The following VSTM2B variants were observed in gnomAD, a reference collection of about 807,000 sequenced individuals.
The protein encoded by VSTM2B is V-set and transmembrane domain-containing protein 2B.
VSTM2B carries 24 observed loss-of-function variants against 24.0 expected under a neutral mutation model. The observed-to-expected ratio is 1.00, with a 90% CI of 0.72 to 1.40. VSTM2B has a LOEUF of 1.40. Ranked by LOEUF, VSTM2B falls within the 40% of genes most tolerant of loss-of-function variation. The probability of loss-of-function intolerance (pLI) is 0.00; values close to 1 mark genes in which losing one functional copy is unlikely to be tolerated. For missense variants in VSTM2B, 399 were observed against 416.4 expected (o/e 0.96, Z 0.36); for synonymous variants, 226 against 194.4 (o/e 1.16, Z -1.35).
At chr19:29,533,905 A>T (rs1323836068) in intron 4 of VSTM2B, among the ~76,000 whole-genome samples, 1 of 152,210 alleles carries the variant, frequency 6.6e-6, no homozygotes, top group Non-Finnish European at 1.5e-5. Context: ...AGCTCGGGGC[A>T]GACGACCTTG....
At chr19:29,552,287 G>T (rs1047305374) in intron 4 of VSTM2B, among the ~76,000 whole-genome samples, 4 of 152,198 alleles carry the variant, frequency 2.6e-5, no homozygotes, top group South Asian at 2.1e-4. Context: ...GTAGTAAAAG[G>T]TTGCAAATCC....
Position 29,526,541 on chromosome 19 carries a change from C to T in VSTM2B, c.-43C>T. ...ATCCGAGCCCACGCGGCCGCCGCCTCTCCGCTCCCGGGCCCCCGCCGCCAC... is the reference window on the plus strand; with the variant it reads ...ATCCGAGCCCACGCGGCCGCCGCCTTTCCGCTCCCGGGCCCCCGCCGCCAC... On this transcript the variant is annotated 5_prime_UTR_variant, in exon 1 of 5. Transcript: ENST00000335523. The surrounding 1 kb of genome is among the most constrained non-coding windows in gnomAD (Gnocchi z 4.1). 2 of 1,473,118 alleles carry T rather than the reference C, an allele frequency of 1.4e-6. No homozygotes were observed. Among genetic ancestry groups the T allele is most frequent in the Non-Finnish European group, 9.0e-7 (1 of 1,110,046 alleles). The allele number at this position is 1,473,118 out of a possible 1,614,324, so 91.3% of individuals were successfully genotyped here. A position where few individuals can be genotyped will look rare whatever the true frequency, so the allele number is the denominator to read the frequency against.
intron 4 of VSTM2B, among the ~76,000 whole-genome samples, chr19:29,538,614 G>A (rs1013374800): frequency 1.3e-5 from 2 of 152,146 alleles, no homozygotes; most frequent in African/African-American, 4.8e-5. Flanking sequence ...GGTTTATTTG[G>A]CTCACAGTTC....
intron 4 of VSTM2B, among the ~76,000 whole-genome samples, chr19:29,558,187 G>A (rs1970454071): frequency 6.6e-6 from 1 of 152,048 alleles, no homozygotes. Context: ...TCAGAATGGT[G>A]ATTATTAAAA....
intron 4 of VSTM2B, 64 bp from the exon 5 acceptor site, chr19:29,563,782 G>A: frequency 7.0e-7 from 1 of 1,438,740 alleles, no homozygotes. Flanking sequence ...TTCCTGGTCT[G>A]CTGTGAGCTC....
chr19:29,546,167 A>G (rs1388548589), intron 4 of VSTM2B, among the ~76,000 whole-genome samples: 1 of 152,162 alleles, frequency 6.6e-6, no homozygotes, highest in Non-Finnish European at 1.5e-5. Context: ...CCAGAGAGGA[A>G]CAGGAAAGGA....
At chr19:29,529,216 T>C (rs1218696233) in intron 3 of VSTM2B, 8 of 869,054 alleles carry the variant, frequency 9.2e-6, no homozygotes, top group Non-Finnish European at 1.1e-5. Context: ...GAAAGGCGGG[T>C]TGGTAGCAGG....
chr19:29,549,328 TG>T (rs1568444729), intron 4 of VSTM2B, among the ~76,000 whole-genome samples: 1 of 152,128 alleles, frequency 6.6e-6, no homozygotes, highest in Non-Finnish European at 1.5e-5. Flanking sequence ...GGCCAGGCTC[TG>T]GGGGAGTCCC....
At chr19:29,559,086 A>G (rs1260541698) in intron 4 of VSTM2B, among the ~76,000 whole-genome samples, 3 of 152,194 alleles carry the variant, frequency 2.0e-5, no homozygotes, top group Non-Finnish European at 4.4e-5. Flanking sequence ...CAGAAATACC[A>G]TTTGACCCAA....
At chr19:29,525,933 A>C (rs1430439362), upstream of VSTM2B, among the ~76,000 whole-genome samples, 1 of 150,196 alleles carries the variant, frequency 6.7e-6, no homozygotes, top group Non-Finnish European at 1.5e-5. Context: ...GCAGCGGTGG[A>C]GGCGGCTTGG....
At chr19:29,540,931 C>A (rs1970005643) in intron 4 of VSTM2B, among the ~76,000 whole-genome samples, 1 of 152,062 alleles carries the variant, frequency 6.6e-6, no homozygotes, top group Non-Finnish European at 1.5e-5. Context: ...GAGCCATAAT[C>A]AGGAAGACAG....
intron 3 of VSTM2B, 106 bp from the exon 4 acceptor site, chr19:29,529,713 C>T (rs1350842944): frequency 1.8e-6 from 2 of 1,134,968 alleles, no homozygotes; most frequent in Non-Finnish European, 1.3e-6. Context: ...AAACCAGGAT[C>T]CGGGAAGTGT....
chr19:29,537,239 G>T (rs1969910944), intron 4 of VSTM2B, among the ~76,000 whole-genome samples: 1 of 152,160 alleles, frequency 6.6e-6, no homozygotes, highest in South Asian at 2.1e-4. Context: ...AGGGAAATTA[G>T]CCTGCTTGTC....
At chr19:29,559,526 G>A (rs1448796041) in intron 4 of VSTM2B, among the ~76,000 whole-genome samples, 2 of 152,174 alleles carry the variant, frequency 1.3e-5, no homozygotes, top group African/African-American at 4.8e-5. Flanking sequence ...TGGTTGATGG[G>A]TGTAGCAAAC....
At chr19:29,531,643 G>A (rs73029461) in intron 4 of VSTM2B, among the ~76,000 whole-genome samples, 6,641 of 152,256 alleles carry the variant, frequency 0.044, 196 homozygotes, top group Middle Eastern at 0.075. Flanking sequence ...GGCCTCATCC[G>A]TCTTGGATGC....
chr19:29,542,400 T>C (rs1599888601), intron 4 of VSTM2B, among the ~76,000 whole-genome samples: 2 of 149,788 alleles, frequency 1.3e-5, no homozygotes, highest in East Asian at 4.0e-4. Flanking sequence ...GGTGGATGGA[T>C]GGGAGAATGA....
intron 4 of VSTM2B, among the ~76,000 whole-genome samples, chr19:29,561,858 A>C (rs1970535624): frequency 6.6e-6 from 1 of 152,190 alleles, no homozygotes; most frequent in South Asian, 2.1e-4. Flanking sequence ...ATGAGAGCAG[A>C]TTGGAGTCTT....
rs142830214 is a variant in VSTM2B, at chr19:29,539,012, C to T, written c.769+8722C>T. Among the ~76,000 whole-genome samples the T allele has an allele frequency of 2.4e-3, 359 of 152,170 alleles. 2 individuals are homozygous for T. Among genetic ancestry groups the T allele is most frequent in the Admixed American group, 6.0e-3 (91 of 15,278 alleles). The stretch of plus-strand genomic sequence containing the variant: ...AAGGGCCATCAGATTGCAAATGGCT[C>T]GGAGAGTTGCTGTTTTTGTAAGTTC... On this transcript the variant is annotated intron_variant, in intron 4 of 4. Transcript: ENST00000335523.
At chr19:29,535,820 C>A (rs1969876269) in intron 4 of VSTM2B, among the ~76,000 whole-genome samples, 1 of 152,100 alleles carries the variant, frequency 6.6e-6, no homozygotes, top group Non-Finnish European at 1.5e-5. Context: ...CCTGAGCAAG[C>A]CATTGAGGCA....
Sources: allele counts gnomAD v4.1 joint callset (sites outside exome capture counted in the v4.1 genomes callset), GRCh38; gene constraint gnomAD v4.1.1; non-coding constraint Gnocchi (gnomAD v3.1); transcripts MANE v1.5; gene names NCBI Gene and HGNC (gene_info 2026-07-23, HGNC 2026-07-21).